The following VWC2 variants were observed in gnomAD, a reference collection of about 807,000 sequenced individuals.
The protein encoded by VWC2 is brorin.
In VWC2, 14 loss-of-function variants were observed where a neutral mutation model predicts 29.8. The ratio of observed to expected loss-of-function variants is 0.47; its 90% CI spans 0.31 to 0.74. The LOEUF is 0.74. Among genes scored for constraint, VWC2 ranks in the 30% least tolerant of loss-of-function variants. VWC2 has a pLI of 0.05. For synonymous variants in VWC2, 213 were observed against 199.0 expected (o/e 1.07, Z -0.59); for missense variants, 457 against 459.8 (o/e 0.99, Z 0.05).
chr7:49,846,764 C>G (rs929235156), intron 3 of VWC2, among the ~76,000 whole-genome samples: 3 of 152,172 alleles, frequency 2.0e-5, no homozygotes, highest in African/African-American at 7.2e-5. Flanking sequence ...TCATAATTTC[C>G]TGATATAGGA....
At chr7:49,899,486 C>T (rs1163970651) in intron 3 of VWC2, among the ~76,000 whole-genome samples, 1 of 151,946 alleles carries the variant, frequency 6.6e-6, no homozygotes, top group African/African-American at 2.4e-5. Context: ...GATAAAGTTA[C>T]ACCATGTTAA....
chr7:49,796,277 T>C (rs1258479628), intron 2 of VWC2, among the ~76,000 whole-genome samples: 12 of 152,234 alleles, frequency 7.9e-5, no homozygotes, highest in Non-Finnish European at 4.4e-5. Flanking sequence ...CCATTACAAT[T>C]ACTTGGAAAA....
At position 49,918,858 on chromosome 7, in the gene VWC2, G is replaced by C. The variant is rs1249513467; in HGVS notation, c.*6673G>C. 2 of 152,080 alleles carry C rather than the reference G, an allele frequency of 1.3e-5. No individual in the cohort carries two copies. Among genetic ancestry groups the C allele is most frequent in the South Asian group, 2.1e-4 (1 of 4,836 alleles). 9.4% of individuals were successfully genotyped at this position (152,080 alleles called of 1,614,324 possible). On this transcript the variant is annotated 3_prime_UTR_variant, in exon 4 of 4. Transcript: ENST00000340652. ...GCTGAGGCAGGTGGATCAGGAGTTTGAGGCCAACCTGACCAACATGTGAAA... is the reference window on the plus strand; with the variant it reads ...GCTGAGGCAGGTGGATCAGGAGTTTCAGGCCAACCTGACCAACATGTGAAA...
chr7:49,775,672 G>C lies in VWC2; in HGVS notation c.237G>C (p.Lys79Asn), dbSNP rs1400076186. 1 of 1,525,804 alleles carries C rather than the reference G, an allele frequency of 6.6e-7. No homozygotes were observed. Among genetic ancestry groups the C allele is most frequent in the Non-Finnish European group, 8.8e-7 (1 of 1,139,724 alleles). The allele number at this position is 1,525,804 out of a possible 1,614,324, so 94.5% of individuals were successfully genotyped here. Residue 79 changes from lysine (K) to asparagine (N), a missense_variant, in exon 2 of 4, where the codon AAG becomes AAC. Physicochemically the swap from Lys to Asn is moderately conservative, Grantham distance 94. Around this residue, in one of 2 missense-constraint regions of VWC2, gnomAD observed 272 missense variants for 202.7 expected, o/e 1.34. Coordinates refer to ENST00000340652, the MANE Select transcript of VWC2 (RefSeq NM_198570.5). ...EGGSGRDWKS[K>N]SGRGLAGREP... ...GCAGCGGCCGGGACTGGAAGAGCAA[G>C]AGCGGCCGTGGGCTCGCCGGCCGTG...
At chr7:49,834,941 T>C (rs531870752) in intron 3 of VWC2, among the ~76,000 whole-genome samples, 17 of 152,270 alleles carry the variant, frequency 1.1e-4, no homozygotes, top group African/African-American at 4.1e-4. Flanking sequence ...AACCTAAAGA[T>C]AGAAGCTGAG....
At chr7:49,780,631 C>A (rs1473659887) in intron 2 of VWC2, among the ~76,000 whole-genome samples, 3 of 152,150 alleles carry the variant, frequency 2.0e-5, no homozygotes, top group Non-Finnish European at 4.4e-5. Flanking sequence ...GGATTGATAT[C>A]AGCAAAGTGT....
intron 3 of VWC2, among the ~76,000 whole-genome samples, chr7:49,892,818 G>C (rs780500241): frequency 6.6e-6 from 1 of 152,192 alleles, no homozygotes; most frequent in Non-Finnish European, 1.5e-5. Context: ...ATGTTCATCA[G>C]ATCCTAATAA....
At chr7:49,783,165 A>G (rs1388162815) in intron 2 of VWC2, among the ~76,000 whole-genome samples, 1 of 152,148 alleles carries the variant, frequency 6.6e-6, no homozygotes, top group East Asian at 1.9e-4. Flanking sequence ...CCCAACGGAA[A>G]CATTATTCTT....
intron 3 of VWC2, among the ~76,000 whole-genome samples, chr7:49,858,709 A>T (rs1218983540): frequency 1.5e-5 from 2 of 135,568 alleles, no homozygotes; most frequent in South Asian, 2.1e-4. Flanking sequence ...TAATAATAAT[A>T]AAAAAAAGAA....
intron 3 of VWC2, among the ~76,000 whole-genome samples, chr7:49,903,321 A>G (rs1325384009): frequency 1.3e-5 from 2 of 152,230 alleles, no homozygotes; most frequent in Non-Finnish European, 1.5e-5. Flanking sequence ...ATAATAGCTC[A>G]AAACTGGAAA....
intron 3 of VWC2, among the ~76,000 whole-genome samples, chr7:49,862,691 A>G (rs691929): frequency 0.053 from 7,991 of 151,360 alleles, 704 homozygotes; most frequent in African/African-American, 0.18. Context: ...GGATTTTGTT[A>G]AATGCTTTAT....
intron 3 of VWC2, among the ~76,000 whole-genome samples, chr7:49,817,944 T>A (rs1339499826): frequency 6.6e-6 from 1 of 152,244 alleles, no homozygotes; most frequent in African/African-American, 2.4e-5. Flanking sequence ...GTGTCTGAAT[T>A]TTAGCCTATG....
chr7:49,848,340 C>T (rs1239711888), intron 3 of VWC2, among the ~76,000 whole-genome samples: 1 of 152,224 alleles, frequency 6.6e-6, no homozygotes, highest in African/African-American at 2.4e-5. Flanking sequence ...TGTGGGGTAG[C>T]TCCAAATGTC....
intron 2 of VWC2, among the ~76,000 whole-genome samples, chr7:49,792,519 G>A (rs1788485707): frequency 1.3e-5 from 2 of 152,198 alleles, no homozygotes; most frequent in Non-Finnish European, 2.9e-5. Context: ...TTAACATGAG[G>A]ACATGGAAGC....
At chr7:49,897,322 T>C (rs1291281586) in intron 3 of VWC2, among the ~76,000 whole-genome samples, 4 of 152,228 alleles carry the variant, frequency 2.6e-5, no homozygotes, top group Non-Finnish European at 5.9e-5. Context: ...ATTATCCTGA[T>C]ACCAAAACCA....
In VWC2 at chr7:49,897,966, GTTC is replaced by G. The variant is rs1276972309; in HGVS notation, c.827-14063_827-14061del. 9.8e-5 allele frequency among the ~76,000 whole-genome samples: 15 copies of G among 152,298 alleles called. No individual in the cohort carries two copies. The East Asian group carries it at 1.9e-3, about 20-fold the overall frequency. On this transcript the variant is annotated intron_variant, in intron 3 of 3. Coordinates refer to ENST00000340652, the MANE Select transcript of VWC2 (RefSeq NM_198570.5). ...CATTTGAAACACTCCAGAGCATTGT[GTTC>G]TTCTCAGTTCTCAGGAGAAACTGTT...
At chr7:49,878,074 G>A (rs1791517820) in intron 3 of VWC2, among the ~76,000 whole-genome samples, 2 of 151,916 alleles carry the variant, frequency 1.3e-5, no homozygotes, top group South Asian at 2.1e-4. Flanking sequence ...TTCAGTGACC[G>A]CTCCAGCTGT....
intron 3 of VWC2, among the ~76,000 whole-genome samples, chr7:49,898,468 ATTTG>A (rs1443857311): frequency 2.6e-5 from 4 of 152,050 alleles, no homozygotes; most frequent in East Asian, 3.8e-4. Context: ...ATCCCTCAAT[ATTTG>A]TTTGTCTGAC....
In VWC2 at chr7:49,781,957, A is replaced by C. The variant is rs896321573; in HGVS notation, c.696+5826A>C. 2.6e-5 allele frequency among the ~76,000 whole-genome samples: 4 copies of C among 152,188 alleles called. 1 individual carries two copies. The South Asian group carries it at 8.3e-4, about 32-fold the overall frequency. On this transcript the variant is annotated intron_variant, in intron 2 of 3. Transcript: ENST00000340652. The stretch of plus-strand genomic sequence containing the variant: ...AGTGAAAAGAAGACTAGATCCCAAG[A>C]GGCAGGTAGGACTCCAGGGATTATC...
Sources: gnomAD v4.1 joint callset for allele counts (sites outside exome capture counted in the v4.1 genomes callset) on GRCh38, gnomAD v4.1.1 for gene constraint, gnomAD v4.1.1 regional missense constraint, MANE v1.5 for transcripts, NCBI Gene and HGNC (gene_info 2026-07-23, HGNC 2026-07-21) for gene names.